PLEKHA7: variants seen among roughly 807,000 people sequenced by gnomAD.
PLEKHA7 encodes pleckstrin homology domain containing A7.
In PLEKHA7, 104 loss-of-function variants were observed where a neutral mutation model predicts 170.0. The ratio of observed to expected loss-of-function variants is 0.61; its 90% CI spans 0.52 to 0.72. The LOEUF (loss-of-function observed/expected upper bound fraction) is 0.72. PLEKHA7 is among the 30% of genes least tolerant of loss of function. The pLI is 0.00. For missense variants in PLEKHA7, 1,615 were observed against 1,671.7 expected, an observed-to-expected ratio of 0.97 and a Z score of 0.59; for synonymous variants, 648 against 660.8, an observed-to-expected ratio of 0.98 and a Z score of 0.30.
At chr11:16,949,770 G>A (rs577016949) in intron 3 of PLEKHA7, among the ~76,000 whole-genome samples, 16 of 152,156 alleles carry the variant, frequency 1.1e-4, no homozygotes, top group Non-Finnish European at 1.9e-4. Flanking sequence ...ACCAAGGCAC[G>A]ATACAGAAAG....
chr11:16,930,363 T>C (rs1427705066), intron 3 of PLEKHA7, among the ~76,000 whole-genome samples: 2 of 152,110 alleles, frequency 1.3e-5, no homozygotes, highest in Non-Finnish European at 2.9e-5. Flanking sequence ...GGAGGATCTC[T>C]TGAACCCAGG....
chr11:16,781,141 G>T, intron 26 of PLEKHA7: 1 of 448,682 alleles, frequency 2.2e-6, no homozygotes, highest in Non-Finnish European at 2.9e-6. Flanking sequence ...GGCTGGGGTG[G>T]CATGGGCCCT....
rs79584664 is a variant in PLEKHA7, at chr11:16,788,712, T to G, written c.3357+384A>C. 2,170 of 289,756 alleles carry G rather than the reference T, an allele frequency of 7.5e-3. 46 individuals are homozygous for G. The highest frequency in any genetic ancestry group is 0.045 in the African/African-American group (2,062 of 45,928). 17.9% of individuals were successfully genotyped at this position (289,756 alleles called of 1,614,324 possible). ...TCTGCTGGCAGGTCTGGGAGGCTGATCAGTTTGCTTGTGCTTCTAACCAAA... is the reference window on the plus strand; with the variant it reads ...TCTGCTGGCAGGTCTGGGAGGCTGAGCAGTTTGCTTGTGCTTCTAACCAAA... On this transcript the variant is annotated intron_variant, in intron 23 of 26. Transcript: ENST00000531066.
At chr11:17,014,078 T>G (rs1029254573) in intron 2 of PLEKHA7, 32 bp from the exon 3 acceptor site, 7 of 1,580,520 alleles carry the variant, frequency 4.4e-6, no homozygotes, top group African/African-American at 4.0e-5. Flanking sequence ...CGGGTCAAAC[T>G]TGGGCCGCCG....
chr11:16,794,467 C>T (rs774058482), intron 19 of PLEKHA7, 21 bp downstream of exon 19: 12 of 1,591,512 alleles, frequency 7.5e-6, no homozygotes, highest in Non-Finnish European at 8.6e-6. Context: ...TGGCATTCAG[C>T]TCCTAGTTAT....
intron 3 of PLEKHA7, among the ~76,000 whole-genome samples, chr11:16,874,417 G>T (rs1170150339): frequency 2.0e-5 from 3 of 152,048 alleles, no homozygotes; most frequent in Admixed American, 6.5e-5. Flanking sequence ...TGAGTTGGGA[G>T]GATCACCCGA....
chr11:16,891,459 T>A (rs1200151626), intron 3 of PLEKHA7, among the ~76,000 whole-genome samples: 1 of 152,180 alleles, frequency 6.6e-6, no homozygotes, highest in Admixed American at 6.5e-5. Flanking sequence ...ATTTTCGACT[T>A]CTTGTCTCTG....
At chr11:16,907,325 G>A (rs1371586659) in intron 3 of PLEKHA7, among the ~76,000 whole-genome samples, 1 of 141,258 alleles carries the variant, frequency 7.1e-6, no homozygotes, top group Non-Finnish European at 1.6e-5. Context: ...CTGCCCGGCC[G>A]CCCCTACTGG....
intron 4 of PLEKHA7, among the ~76,000 whole-genome samples, chr11:16,866,718 C>T (rs1854426365): frequency 6.6e-6 from 1 of 152,228 alleles, no homozygotes; most frequent in Admixed American, 6.5e-5. Flanking sequence ...CTACAGCAGA[C>T]ACTAGCCTAT....
intron 3 of PLEKHA7, among the ~76,000 whole-genome samples, chr11:16,981,411 C>T (rs1863417550): frequency 1.3e-5 from 2 of 152,164 alleles, no homozygotes; most frequent in Admixed American, 6.5e-5. Flanking sequence ...GACTTCAGAG[C>T]CAGTGTTCCT....
intron 3 of PLEKHA7, among the ~76,000 whole-genome samples, chr11:16,970,057 C>A (rs1357218254): frequency 6.6e-6 from 1 of 152,158 alleles, no homozygotes; most frequent in Non-Finnish European, 1.5e-5. Context: ...CACATGGGAG[C>A]CTCTTCAAAC....
chr11:16,998,618 CA>C (rs554870890), intron 3 of PLEKHA7, among the ~76,000 whole-genome samples: 214 of 152,278 alleles, frequency 1.4e-3, no homozygotes, highest in Admixed American at 2.8e-3. Context: ...TACACATTTT[CA>C]GGTGAGAAGG....
chr11:16,991,670 GGA>G (rs1470253154), intron 3 of PLEKHA7, among the ~76,000 whole-genome samples: 1 of 152,178 alleles, frequency 6.6e-6, no homozygotes, highest in Non-Finnish European at 1.5e-5. Context: ...TAATGGGGTT[GGA>G]GAGGGGACAA....
chr11:16,786,343 G>T lies in PLEKHA7; in HGVS notation c.3402C>A (p.Val1134=). Residue 1134 remains valine, a synonymous_variant, in exon 24 of 27, where the codon GTC becomes GTA. Transcript: ENST00000531066. ...QDFDLQLLER[V]VQGEKKDKEE... ...CCTTGTCCTTTTTTTCCCCTTGCACGACCCGTTCCAGCAACTGCAGGTCAA... is the reference window on the plus strand; with the variant it reads ...CCTTGTCCTTTTTTTCCCCTTGCACTACCCGTTCCAGCAACTGCAGGTCAA... 1 of 1,536,040 alleles carries T rather than the reference G, an allele frequency of 6.5e-7. No homozygotes were observed. The highest frequency in any genetic ancestry group is 8.7e-7 in the Non-Finnish European group (1 of 1,146,902).
At chr11:16,951,068 C>A (rs535632847) in intron 3 of PLEKHA7, among the ~76,000 whole-genome samples, 1 of 152,324 alleles carries the variant, frequency 6.6e-6, no homozygotes, top group Admixed American at 6.5e-5. Flanking sequence ...TGAGTGCTTG[C>A]TACGTGTCAG....
At chr11:16,954,283 A>C (rs1314689121) in intron 3 of PLEKHA7, among the ~76,000 whole-genome samples, 3 of 152,228 alleles carry the variant, frequency 2.0e-5, no homozygotes, top group African/African-American at 7.2e-5. Context: ...TGGGAGGCTG[A>C]GGCAGGAGGA....
chr11:16,893,512 C>T (rs951960032), intron 3 of PLEKHA7, among the ~76,000 whole-genome samples: 3 of 152,170 alleles, frequency 2.0e-5, no homozygotes, highest in African/African-American at 7.2e-5. Flanking sequence ...TCAGTGTCAC[C>T]TCCACACTGT....
At chr11:16,924,351 A>G (rs1022269034) in intron 3 of PLEKHA7, among the ~76,000 whole-genome samples, 1 of 152,178 alleles carries the variant, frequency 6.6e-6, no homozygotes, top group African/African-American at 2.4e-5. Flanking sequence ...CAGGCCTGAA[A>G]ATACACCCGA....
intron 21 of PLEKHA7, chr11:16,790,596 T>G: frequency 1.7e-6 from 1 of 582,830 alleles, no homozygotes; most frequent in Non-Finnish European, 3.1e-6. Context: ...TGGGGACAGA[T>G]GTAACAAAAG....
Sources: gnomAD v4.1 joint callset for allele counts (sites outside exome capture counted in the v4.1 genomes callset) on GRCh38, gnomAD v4.1.1 for gene constraint, MANE v1.5 for transcripts, NCBI Gene and HGNC (gene_info 2026-07-23, HGNC 2026-07-21) for gene names.